The following KLF8 variants were observed in gnomAD, a reference collection of about 807,000 sequenced individuals.
KLF8 encodes the protein KLF transcription factor 8.
Under a neutral mutation model 18.2 loss-of-function variants are expected in KLF8, and 10 were observed. The ratio of observed to expected loss-of-function variants is 0.55; its 90% CI spans 0.34 to 0.93. The LOEUF (loss-of-function observed/expected upper bound fraction) is 0.93, where lower values mean the gene tolerates loss of function less well. Among genes scored for constraint, KLF8 ranks in the 40% least tolerant of loss-of-function variants. The probability of loss-of-function intolerance (pLI) is 0.02; values close to 1 mark genes in which losing one functional copy is unlikely to be tolerated. For missense variants in KLF8, 264 were observed against 277.9 expected (o/e 0.95, Z 0.36); for synonymous variants, 109 against 97.3 (o/e 1.12, Z -0.71).
chrX:56,213,163 G>A, the KLF8 span, among the ~76,000 whole-genome samples: 1 of 110,302 alleles, frequency 9.1e-6, no homozygotes, highest in Non-Finnish European at 1.9e-5. Flanking sequence ...AGTGAAACAT[G>A]CATCAGCTCT....
At position 56,291,128 on chromosome X, in the gene KLF8, T is replaced by A. The variant is rs2067318610; in HGVS notation, c.*6634T>A. On this transcript the variant is annotated 3_prime_UTR_variant, in exon 6 of 6. Transcript: ENST00000468660. ...CTTTTTTGTGTTGGGGAAAGGAGCC[T>A]GCAGTGAAAGGATCAGTTGGATTTT... Among the ~76,000 whole-genome samples the A allele has an allele frequency of 8.9e-6, 1 of 111,860 alleles. No homozygotes were observed. The highest frequency in any genetic ancestry group is 2.8e-4 in the East Asian group (1 of 3,551).
chrX:56,128,237 T>C, the KLF8 span, among the ~76,000 whole-genome samples: 9 of 112,226 alleles, frequency 8.0e-5, no homozygotes, highest in Admixed American at 6.6e-4. Context: ...AAAATTCCAT[T>C]CACTGGAGAG....
chrX:56,159,605 T>A, the KLF8 span, among the ~76,000 whole-genome samples: 1 of 112,517 alleles, frequency 8.9e-6, no homozygotes, highest in Admixed American at 9.4e-5. Flanking sequence ...TTCTTCCTGG[T>A]TTAGTCTTGG....
chrX:56,139,318 A>C, the KLF8 span, among the ~76,000 whole-genome samples: 1 of 111,930 alleles, frequency 8.9e-6, no homozygotes, highest in East Asian at 2.8e-4. Context: ...AATTCACATG[A>C]AACCAGAAAA....
At chrX:56,235,281 G>T (rs1335442779) in intron 1 of KLF8, among the ~76,000 whole-genome samples, 1 of 107,943 alleles carries the variant, frequency 9.3e-6, no homozygotes, top group African/African-American at 3.4e-5. Context: ...TAATTAGGAT[G>T]ATTGACATAG....
At chrX:56,235,031 T>C (rs756837582) in intron 1 of KLF8, among the ~76,000 whole-genome samples, 1 of 111,482 alleles carries the variant, frequency 9.0e-6, no homozygotes, top group East Asian at 2.8e-4. Flanking sequence ...CAGGGCACAT[T>C]GGAAATTGGG....
At chrX:56,038,980 C>A in the KLF8 span, among the ~76,000 whole-genome samples, 1 of 111,814 alleles carries the variant, frequency 8.9e-6, no homozygotes, top group Non-Finnish European at 1.9e-5. Context: ...AGCTTTTTTT[C>A]CCTATGTTTG....
the KLF8 span, among the ~76,000 whole-genome samples, chrX:56,186,800 C>T: frequency 1.8e-5 from 2 of 112,008 alleles, no homozygotes; most frequent in African/African-American, 6.5e-5. Flanking sequence ...GAAATGAAGT[C>T]AGAAGTAAAG....
At chrX:56,165,294 C>G in the KLF8 span, among the ~76,000 whole-genome samples, 1 of 111,975 alleles carries the variant, frequency 8.9e-6, no homozygotes, top group African/African-American at 3.2e-5. Flanking sequence ...TCGAAGCCAA[C>G]CAGGGGTGGA....
At chrX:56,174,525 G>C in the KLF8 span, among the ~76,000 whole-genome samples, 1 of 111,710 alleles carries the variant, frequency 9.0e-6, no homozygotes, top group African/African-American at 3.3e-5. Flanking sequence ...TTTTTGCATC[G>C]ATGTTCATCA....
chrX:56,112,349 G>T, the KLF8 span, among the ~76,000 whole-genome samples: 3 of 111,098 alleles, frequency 2.7e-5, no homozygotes, highest in African/African-American at 3.3e-5. Context: ...GGGGGCTGGG[G>T]GAGATAGCAT....
Position 56,250,172 on chromosome X carries a change from A to T in KLF8, c.8-59A>T. 3.7e-6 allele frequency: 3 copies of T among 805,772 alleles called. No homozygotes were observed. In the South Asian group the frequency reaches 6.6e-5, roughly 18 times the overall value. The allele number at this position is 805,772 out of a possible 1,213,427, so 66.4% of individuals were successfully genotyped here. A position where few individuals can be genotyped will look rare whatever the true frequency, so the allele number is the denominator to read the frequency against. ...CACACATAACATTAATGGCATATTTATGCATATAGTGGGTTAGATTTTATT... is the reference window on the plus strand; with the variant it reads ...CACACATAACATTAATGGCATATTTTTGCATATAGTGGGTTAGATTTTATT... On this transcript the variant is annotated intron_variant, in intron 1 of 5. Transcript: ENST00000468660.
the KLF8 span, among the ~76,000 whole-genome samples, chrX:56,174,883 T>A: frequency 1.8e-5 from 2 of 112,114 alleles, no homozygotes; most frequent in African/African-American, 3.2e-5. Flanking sequence ...TTTATTTGCA[T>A]AGATGTGTTT....
chrX:56,175,013 G>C, the KLF8 span, among the ~76,000 whole-genome samples: 1 of 111,498 alleles, frequency 9.0e-6, no homozygotes, highest in Non-Finnish European at 1.9e-5. Flanking sequence ...CTTGTCAGCA[G>C]TCTATCAATT....
chrX:56,251,687 T>A (rs1214642528), intron 2 of KLF8, among the ~76,000 whole-genome samples: 1 of 110,577 alleles, frequency 9.0e-6, no homozygotes, highest in East Asian at 2.9e-4. Context: ...GGTCTCGAAC[T>A]CCTGACCTCA....
chrX:55,977,375 T>C, the KLF8 span, among the ~76,000 whole-genome samples: 151 of 112,090 alleles, frequency 1.3e-3, no homozygotes, highest in African/African-American at 4.8e-3. Context: ...CTTGGAATTT[T>C]TGTGGTATCA....
chrX:56,134,479 C>T, the KLF8 span, among the ~76,000 whole-genome samples: 1 of 111,575 alleles, frequency 9.0e-6, no homozygotes, highest in Non-Finnish European at 1.9e-5. Flanking sequence ...AGACTATATC[C>T]TCATCTCTCA....
chrX:56,233,312 T>C lies in KLF8; in HGVS notation c.-23T>C, dbSNP rs1469556738. 2.0e-5 allele frequency: 24 copies of C among 1,203,431 alleles called. No homozygotes were observed. The highest frequency in any genetic ancestry group is 3.5e-5 in the African/African-American group (2 of 56,744). ...GGAGGACGGCATGAGTTCTGGACAC[T>C]TCAGGAGTCCTCAGCTAGTGACATG... is the stretch of plus-strand genomic sequence containing the variant. On this transcript the variant is annotated 5_prime_UTR_variant, in exon 1 of 6. Coordinates refer to ENST00000468660, the MANE Select transcript of KLF8 (RefSeq NM_007250.5).
intron 2 of KLF8, among the ~76,000 whole-genome samples, chrX:56,252,789 G>C (rs1191112923): frequency 8.9e-6 from 1 of 111,895 alleles, no homozygotes; most frequent in Non-Finnish European, 1.9e-5. Context: ...TTTTTTTGAG[G>C]AACCTCCAAA....
Sources: gnomAD v4.1 joint callset for allele counts (sites outside exome capture counted in the v4.1 genomes callset) on GRCh38, gnomAD v4.1.1 for gene constraint, MANE v1.5 for transcripts, NCBI Gene and HGNC (gene_info 2026-07-23, HGNC 2026-07-21) for gene names.